Variants in AHCTF1 observed in about 807,000 individuals in gnomAD.
The protein encoded by AHCTF1 is AT-hook containing transcription factor 1.
Under a neutral mutation model 248.4 loss-of-function variants are expected in AHCTF1, and 24 were observed. The observed-to-expected ratio is 0.10, with a 90% CI of 0.07 to 0.14. The LOEUF is 0.14. Ranked by LOEUF, AHCTF1 falls within the 10% of genes least tolerant of loss-of-function variation. The probability of loss-of-function intolerance (pLI) is 1.00; values close to 1 mark genes in which losing one functional copy is unlikely to be tolerated. For synonymous variants in AHCTF1, 786 were observed against 929.8 expected (o/e 0.85, Z 2.81); for missense variants, 2,206 against 2,636.2 (o/e 0.84, Z 3.57).
At position 246,849,845 on chromosome 1, in the gene AHCTF1, C is replaced by G; in HGVS notation, c.6161G>C (p.Ser2054Thr). ...SKKKLTKKTE[S>T]QSQKRSLHSV... ...GTGCAATGAACGTTTTTGGCTTTGA[C>G]TTTCAGTCTTTTTTGTAAGTTTTTT... The change falls in exon 33 of 36, where the codon AGT (serine) becomes ACT (threonine). Residue 2054 changes from serine (S) to threonine (T), a missense_variant. Physicochemically the swap from Ser to Thr is moderately conservative, Grantham distance 58 (BLOSUM62 1). This residue lies in a region of AHCTF1 where 469 missense variants were observed against 470.0 expected (regional missense o/e 1.00). Coordinates refer to ENST00000648844, the MANE Select transcript of AHCTF1 (RefSeq NM_001323342.2). The G allele has an allele frequency of 1.2e-6, 2 of 1,613,838 alleles. No individual in the cohort carries two copies. The highest frequency in any genetic ancestry group is 1.7e-6 in the Non-Finnish European group (2 of 1,179,816).
At chr1:246,855,162 T>A (rs936000646) in intron 31 of AHCTF1, among the ~76,000 whole-genome samples, 5 of 152,186 alleles carry the variant, frequency 3.3e-5, no homozygotes, top group African/African-American at 1.2e-4. Flanking sequence ...TTAAATGAGT[T>A]AATAGACACA....
Position 246,916,341 on chromosome 1 carries a change from G to T in AHCTF1, c.176C>A (p.Ser59Tyr). 2 of 1,610,570 alleles carry T rather than the reference G, an allele frequency of 1.2e-6. No homozygotes were observed. Among genetic ancestry groups the T allele is most frequent in the African/African-American group, 2.7e-5 (2 of 74,736 alleles). Reference protein sequence around the residue: ...ACGPQLEVVNSITGERLSAYR... With the variant: ...ACGPQLEVVNYITGERLSAYR... ...AGCAGACAATCGCTCTCCTGTTATA[G>T]AGTTTACTACCTCAAGTTGTGGACC... The change falls in exon 3 of 36, where the codon TCT (serine) becomes TAT (tyrosine). Residue 59 changes from serine to tyrosine, a missense_variant. Physicochemically the swap from Ser to Tyr is moderately radical, Grantham distance 144. Around this residue, in one of 6 missense-constraint regions of AHCTF1, gnomAD observed 69 missense variants for 85.4 expected, o/e 0.81. Coordinates refer to ENST00000648844, the MANE Select transcript of AHCTF1 (RefSeq NM_001323342.2).
chr1:246,869,208 C>T (rs1012362367), intron 24 of AHCTF1, among the ~76,000 whole-genome samples: 1 of 152,092 alleles, frequency 6.6e-6, no homozygotes, highest in Non-Finnish European at 1.5e-5. Context: ...AGTCTACTGG[C>T]ACCATTTTTC....
At chr1:246,845,762 G>T (rs570394474) in intron 33 of AHCTF1, among the ~76,000 whole-genome samples, 37 of 152,222 alleles carry the variant, frequency 2.4e-4, no homozygotes, top group Non-Finnish European at 4.7e-4. Flanking sequence ...AGTTCAAAAG[G>T]CCTAGGTTCA....
rs918160049 is a variant in AHCTF1 at position 246,916,065 on chromosome 1, A to T, written c.375+77T>A. 4.2e-5 allele frequency: 63 copies of T among 1,498,304 alleles called. No homozygotes were observed. In the African/African-American group the frequency reaches 8.1e-4, roughly 19 times the overall value. The allele number at this position is 1,498,304 out of a possible 1,614,324, so 92.8% of individuals were successfully genotyped here. The stretch of plus-strand genomic sequence containing the variant: ...AATGTTGCGGGTCAGTGAAATTTCA[A>T]AAAGTAACACACCTATATAACCAGC... On this transcript the variant is annotated intron_variant, in intron 3 of 35. Coordinates refer to ENST00000648844, the MANE Select transcript of AHCTF1 (RefSeq NM_001323342.2).
chr1:246,930,879 T>C (rs943029225), intron 1 of AHCTF1, among the ~76,000 whole-genome samples: 1 of 152,156 alleles, frequency 6.6e-6, no homozygotes, highest in Admixed American at 6.5e-5. Flanking sequence ...TCATAAAACT[T>C]TGCACACAGA....
chr1:246,883,170 G>A (rs1663576537), intron 21 of AHCTF1, among the ~76,000 whole-genome samples: 1 of 152,178 alleles, frequency 6.6e-6, no homozygotes, highest in Admixed American at 6.5e-5. Context: ...GAGTGTTAGT[G>A]TTTGATGGTT....
chr1:246,878,396 C>CCA (rs1491155933), intron 21 of AHCTF1, among the ~76,000 whole-genome samples: 7 of 30,776 alleles, frequency 2.3e-4, no homozygotes, highest in Non-Finnish European at 3.5e-4. Context: ...GATTCTGTCT[C>CCA]AAAAAAAAAA....
chr1:246,912,201 G>A (rs908099933), intron 4 of AHCTF1, among the ~76,000 whole-genome samples: 9 of 152,036 alleles, frequency 5.9e-5, no homozygotes, highest in African/African-American at 1.9e-4. Flanking sequence ...GAATGTGCCG[G>A]GTGTGGTGGC....
chr1:246,891,223 T>C (rs1221168003), intron 15 of AHCTF1, among the ~76,000 whole-genome samples, 163 bp from the exon 16 acceptor site: 1 of 152,210 alleles, frequency 6.6e-6, no homozygotes, highest in Non-Finnish European at 1.5e-5. Flanking sequence ...AATTCATCTT[T>C]GTATTTAGTT....
chr1:246,870,026 G>A (rs1662463908), intron 24 of AHCTF1, among the ~76,000 whole-genome samples: 1 of 152,132 alleles, frequency 6.6e-6, no homozygotes, highest in Admixed American at 6.5e-5. Context: ...GTCAAACTAT[G>A]CACATTAAAA....
At chr1:246,918,736 C>T (rs1447653461) in intron 1 of AHCTF1, among the ~76,000 whole-genome samples, 1 of 152,214 alleles carries the variant, frequency 6.6e-6, no homozygotes, top group Non-Finnish European at 1.5e-5. Flanking sequence ...TCCCAAACAG[C>T]TTTAGGAAAG....
chr1:246,854,451 C>T (rs943102908), intron 31 of AHCTF1, among the ~76,000 whole-genome samples: 18 of 151,990 alleles, frequency 1.2e-4, no homozygotes, highest in South Asian at 4.1e-4. Flanking sequence ...GTGATTGGCC[C>T]AAATGTTCAG....
chr1:246,855,105 G>A (rs1661021101), intron 31 of AHCTF1, among the ~76,000 whole-genome samples: 1 of 152,224 alleles, frequency 6.6e-6, no homozygotes. Flanking sequence ...GAGAGCATGG[G>A]CTCTAGAGTC....
At chr1:246,884,234 T>A (rs1014996408) in intron 21 of AHCTF1, among the ~76,000 whole-genome samples, 4 of 152,250 alleles carry the variant, frequency 2.6e-5, no homozygotes, top group Non-Finnish European at 5.9e-5. Flanking sequence ...GATTAAGCTA[T>A]CTAAACATTT....
chr1:246,912,573 A>C (rs1052407890), intron 4 of AHCTF1, among the ~76,000 whole-genome samples: 2 of 152,172 alleles, frequency 1.3e-5, no homozygotes, highest in Non-Finnish European at 1.5e-5. Flanking sequence ...ATTAAGAGTA[A>C]AAAACACATT....
intron 25 of AHCTF1, 92 bp from the exon 26 acceptor site, chr1:246,867,443 T>C: frequency 2.0e-6 from 2 of 1,019,770 alleles, no homozygotes; most frequent in South Asian, 1.7e-5. Context: ...TCATTCGTTT[T>C]ACTTTGTACA....
chr1:246,927,109 C>T (rs1042711448), intron 1 of AHCTF1, among the ~76,000 whole-genome samples: 9 of 151,434 alleles, frequency 5.9e-5, no homozygotes, highest in South Asian at 2.1e-4. Context: ...ACCCGGGAGG[C>T]GGAGCTTGCA....
intron 5 of AHCTF1, among the ~76,000 whole-genome samples, chr1:246,906,567 G>A (rs772530229): frequency 3.3e-5 from 5 of 152,008 alleles, no homozygotes; most frequent in Non-Finnish European, 7.4e-5. Context: ...GGGCAACAGA[G>A]TGAGACCCCA....
Sources: gnomAD v4.1 joint callset for allele counts (sites outside exome capture counted in the v4.1 genomes callset) on GRCh38, gnomAD v4.1.1 for gene constraint, gnomAD v4.1.1 regional missense constraint, MANE v1.5 for transcripts, NCBI Gene and HGNC (gene_info 2026-07-23, HGNC 2026-07-21) for gene names.